FBXO8: variants seen among roughly 807,000 people sequenced by gnomAD.
FBXO8 encodes F-box protein 8.
Under a neutral mutation model 33.4 loss-of-function variants are expected in FBXO8, and 15 were observed. That is an observed-to-expected ratio of 0.45 (90% CI 0.30 to 0.69). FBXO8 has a LOEUF of 0.69. Ranked by LOEUF, FBXO8 falls within the 30% of genes least tolerant of loss-of-function variation. The pLI is 0.08. For missense variants in FBXO8, 274 were observed against 380.3 expected (o/e 0.72, Z 2.32); for synonymous variants, 132 against 131.5 (o/e 1.00, Z -0.02).
intron 1 of FBXO8, among the ~76,000 whole-genome samples, chr4:174,279,291 ATACT>A (rs1416478908): frequency 3.3e-5 from 5 of 152,046 alleles, no homozygotes; most frequent in Non-Finnish European, 7.4e-5. Flanking sequence ...AAAGAATAAA[ATACT>A]TAGGAATTAA....
At position 174,242,015 on chromosome 4, in the gene FBXO8, G is replaced by A. The variant is rs555658771; in HGVS notation, c.457-797C>T. 9.4e-4 allele frequency among the ~76,000 whole-genome samples: 143 copies of A among 151,636 alleles called. 1 individual carries two copies. The highest frequency in any genetic ancestry group is 2.0e-3 in the Admixed American group (30 of 15,182). The stretch of plus-strand genomic sequence containing the variant: ...AAAACAGTATTCTCTCACATATACA[G>A]AGGTTACATTCAAATAAATGTCTTC... On this transcript the variant is annotated intron_variant, in intron 3 of 5. Coordinates refer to ENST00000393674, the MANE Select transcript of FBXO8 (RefSeq NM_012180.3).
intron 1 of FBXO8, among the ~76,000 whole-genome samples, chr4:174,279,396 C>T (rs1317664282): frequency 7.2e-5 from 11 of 152,020 alleles, no homozygotes; most frequent in Non-Finnish European, 1.6e-4. Flanking sequence ...CCTGTGGTTA[C>T]AGATTGGAAG....
Position 174,245,091 on chromosome 4 carries a change from A to G in FBXO8, c.457-3873T>C, listed in dbSNP as rs1327279497. On this transcript the variant is annotated intron_variant, in intron 3 of 5. Transcript: ENST00000393674. The surrounding 1 kb of genome is among the most constrained non-coding windows in gnomAD (Gnocchi z 4.6). The stretch of plus-strand genomic sequence containing the variant: ...AAACATATTAAACACAAGGTGTGAT[A>G]TGCAAGGTATTCAGTGATAGACACT... 1.3e-5 allele frequency among the ~76,000 whole-genome samples: 2 copies of G among 151,894 alleles called. No homozygotes were observed. The highest frequency in any genetic ancestry group is 2.9e-5 in the Non-Finnish European group (2 of 67,854).
At chr4:174,238,477 T>C (rs1735939944) in intron 5 of FBXO8, among the ~76,000 whole-genome samples, 1 of 151,514 alleles carries the variant, frequency 6.6e-6, no homozygotes, top group Non-Finnish European at 1.5e-5. Context: ...ATAAGCTATA[T>C]GAATTGAAAC....
In FBXO8 at chr4:174,278,597, T is replaced by G. The variant is rs944559467; in HGVS notation, c.-9+4813A>C. On this transcript the variant is annotated intron_variant, in intron 1 of 5. Transcript: ENST00000393674. This position sits in a 1 kb window ranked among gnomAD's most constrained non-coding sequence, Gnocchi z 4.1. ...CTCACTAGCATTATTTTTAATTATA[T>G]GGTTCTTACTTAATTGTATCACTAT... Among the ~76,000 whole-genome samples the G allele has an allele frequency of 2.0e-5, 3 of 152,112 alleles. No homozygotes were observed. The highest frequency in any genetic ancestry group is 4.4e-5 in the Non-Finnish European group (3 of 67,954).
At position 174,241,909 on chromosome 4, in the gene FBXO8, A is replaced by T. The variant is rs971032424; in HGVS notation, c.457-691T>A. On this transcript the variant is annotated intron_variant, in intron 3 of 5. Transcript: ENST00000393674. This position sits in a 1 kb window ranked among gnomAD's most constrained non-coding sequence, Gnocchi z 4.2. ...TCTCTGCATGCAAAGTTTTCCAGAG[A>T]AGCATTACCCATAAGTTTTTACCTA... 6.6e-6 allele frequency among the ~76,000 whole-genome samples: 1 copy of T among 151,462 alleles called. No homozygotes were observed. The highest frequency in any genetic ancestry group is 2.4e-5 in the African/African-American group (1 of 41,354).
chr4:174,244,749 A>T (rs1299281500), intron 3 of FBXO8, among the ~76,000 whole-genome samples: 2 of 151,862 alleles, frequency 1.3e-5, no homozygotes, highest in Middle Eastern at 3.4e-3. Context: ...ATATATTTTT[A>T]AAAAATAGTT....
chr4:174,256,625 T>C lies in FBXO8; in HGVS notation c.456+3074A>G, dbSNP rs1346382715. Among the ~76,000 whole-genome samples the C allele has an allele frequency of 1.3e-5, 2 of 152,218 alleles. No individual in the cohort carries two copies. Among genetic ancestry groups the C allele is most frequent in the Non-Finnish European group, 2.9e-5 (2 of 68,034 alleles). The stretch of plus-strand genomic sequence containing the variant: ...CAATGAAAGAAAGTACAGAATATAG[T>C]CACTGAACTACTTCCCCTCATTTCT... On this transcript the variant is annotated intron_variant, in intron 3 of 5. Transcript: ENST00000393674. This position sits in a 1 kb window ranked among gnomAD's most constrained non-coding sequence, Gnocchi z 4.6.
chr4:174,259,990 G>A lies in FBXO8; in HGVS notation c.330-165C>T, dbSNP rs1398604758. Among the ~76,000 whole-genome samples, 2 of 151,982 alleles carry A rather than the reference G, an allele frequency of 1.3e-5. No individual in the cohort carries two copies. Among genetic ancestry groups the A allele is most frequent in the Admixed American group, 1.3e-4 (2 of 15,254 alleles). ...ACTTGTTTTCTATTTGTTTACTAGA[G>A]TATGACAGATGCTTTAAATTTAGCA... On this transcript the variant is annotated intron_variant, in intron 2 of 5. Coordinates refer to ENST00000393674, the MANE Select transcript of FBXO8 (RefSeq NM_012180.3). The surrounding 1 kb of genome is among the most constrained non-coding windows in gnomAD (Gnocchi z 4.3).
At chr4:174,271,957 G>T (rs901103112) in intron 1 of FBXO8, among the ~76,000 whole-genome samples, 1 of 152,130 alleles carries the variant, frequency 6.6e-6, no homozygotes, top group African/African-American at 2.4e-5. Context: ...TGGTGAAAAG[G>T]TGCATCTTCT....
rs1014400541 is a variant in FBXO8 at position 174,272,491 on chromosome 4, C to A, written c.-8-9391G>T. Among the ~76,000 whole-genome samples the A allele has an allele frequency of 6.6e-6, 1 of 152,018 alleles. No individual in the cohort carries two copies. Among genetic ancestry groups the A allele is most frequent in the Non-Finnish European group, 1.5e-5 (1 of 68,014 alleles). On this transcript the variant is annotated intron_variant, in intron 1 of 5. Transcript: ENST00000393674. This position sits in a 1 kb window ranked among gnomAD's most constrained non-coding sequence, Gnocchi z 4.7. ...TGGTTGGATGACACTGGATGCAGAT[C>A]CACAAATACTGAGGACCAACTGTAT... is the stretch of plus-strand genomic sequence containing the variant.
In FBXO8 at chr4:174,240,227, A is replaced by G. The variant is rs76225639; in HGVS notation, c.575+873T>C. Reference sequence around the variant, plus strand: ...GGTACTTGGCACTTAAAGACAAAAAAACTTAATGATGCGATCTTTACATCT... The same window carrying G: ...GGTACTTGGCACTTAAAGACAAAAAGACTTAATGATGCGATCTTTACATCT... On this transcript the variant is annotated intron_variant, in intron 4 of 5. Transcript: ENST00000393674. 5.3e-3 allele frequency among the ~76,000 whole-genome samples: 810 copies of G among 151,788 alleles called. 7 individuals carry two copies. Among genetic ancestry groups the G allele is most frequent in the African/African-American group, 0.018 (759 of 41,516 alleles).
chr4:174,269,596 A>G (rs1280797454), intron 1 of FBXO8, among the ~76,000 whole-genome samples: 3 of 151,982 alleles, frequency 2.0e-5, no homozygotes, highest in Non-Finnish European at 4.4e-5. Context: ...GAGGCAGGAG[A>G]ATCACTTGAA....
intron 1 of FBXO8, among the ~76,000 whole-genome samples, chr4:174,279,304 A>C (rs1378344363): frequency 6.6e-6 from 1 of 152,098 alleles, no homozygotes; most frequent in East Asian, 1.9e-4. Context: ...CTTAGGAATT[A>C]ACCAAGTAGG....
At chr4:174,269,769 G>A (rs1355297922) in intron 1 of FBXO8, among the ~76,000 whole-genome samples, 1 of 151,652 alleles carries the variant, frequency 6.6e-6, no homozygotes, top group East Asian at 1.9e-4. Flanking sequence ...AATTTCCAGA[G>A]AATGATTAGC....
intron 3 of FBXO8, among the ~76,000 whole-genome samples, chr4:174,242,023 A>G (rs1736052241): frequency 6.6e-6 from 1 of 151,646 alleles, no homozygotes; most frequent in South Asian, 2.1e-4. Context: ...CAGAGGTTAC[A>G]TTCAAATAAA....
chr4:174,267,844 A>G lies in FBXO8; in HGVS notation c.-8-4744T>C, dbSNP rs148801936. On this transcript the variant is annotated intron_variant, in intron 1 of 5. Coordinates refer to ENST00000393674, the MANE Select transcript of FBXO8 (RefSeq NM_012180.3). The surrounding 1 kb of genome is among the most constrained non-coding windows in gnomAD (Gnocchi z 4.7). ...GTTAGGTAAAATAAAATTCAGCTGCAATGTGGAATCACTGAATATGCAAAA... is the reference window on the plus strand; with the variant it reads ...GTTAGGTAAAATAAAATTCAGCTGCGATGTGGAATCACTGAATATGCAAAA... Among the ~76,000 whole-genome samples the G allele has an allele frequency of 4.6e-5, 7 of 152,370 alleles. No individual in the cohort carries two copies. In the East Asian group the frequency reaches 1.3e-3, roughly 29 times the overall value.
chr4:174,261,967 T>G lies in FBXO8; in HGVS notation c.329+797A>C, dbSNP rs1160379208. On this transcript the variant is annotated intron_variant, in intron 2 of 5. Transcript: ENST00000393674. The surrounding 1 kb of genome is among the most constrained non-coding windows in gnomAD (Gnocchi z 4.1). ...TGCTAGAAGGTCTGAGATCCAATGATTCCATGTTTGGTAATATTTTTAGGC... is the reference window on the plus strand; with the variant it reads ...TGCTAGAAGGTCTGAGATCCAATGAGTCCATGTTTGGTAATATTTTTAGGC... Among the ~76,000 whole-genome samples the G allele has an allele frequency of 6.6e-6, 1 of 152,120 alleles. No homozygotes were observed. The highest frequency in any genetic ancestry group is 1.9e-4 in the East Asian group (1 of 5,204).
At chr4:174,243,692 G>A (rs1736096995) in intron 3 of FBXO8, among the ~76,000 whole-genome samples, 1 of 151,234 alleles carries the variant, frequency 6.6e-6, no homozygotes, top group African/African-American at 2.4e-5. Flanking sequence ...GAATGGTACA[G>A]AGAAACTCCT....
Sources: gnomAD v4.1 joint callset for allele counts (sites outside exome capture counted in the v4.1 genomes callset) on GRCh38, gnomAD v4.1.1 for gene constraint, Gnocchi (gnomAD v3.1) non-coding constraint, MANE v1.5 for transcripts, NCBI Gene and HGNC (gene_info 2026-07-23, HGNC 2026-07-21) for gene names.